The following ZMPSTE24 variants were observed in gnomAD, a reference collection of about 807,000 sequenced individuals.
ZMPSTE24 encodes CAAX prenyl protease 1 homolog.
ZMPSTE24 carries 48 observed loss-of-function variants against 56.7 expected under a neutral mutation model. That is an observed-to-expected ratio of 0.85 (90% CI 0.67 to 1.08). The LOEUF is 1.08. Among genes scored for constraint, ZMPSTE24 ranks in the 50% least tolerant of loss-of-function variants. The pLI, the probability that ZMPSTE24 is intolerant of heterozygous loss-of-function variation, is 0.00. For synonymous variants in ZMPSTE24, 172 were observed against 195.2 expected, an observed-to-expected ratio of 0.88 and a Z score of 0.99; for missense variants, 503 against 548.7, an observed-to-expected ratio of 0.92 and a Z score of 0.83.
intron 6 of ZMPSTE24, among the ~76,000 whole-genome samples, chr1:40,274,268 TAAC>T (rs1217875030): frequency 2.0e-5 from 3 of 152,362 alleles, no homozygotes; most frequent in Non-Finnish European, 2.9e-5. Flanking sequence ...TAATTGTTGT[TAAC>T]AACAGTAACA....
At chr1:40,262,783 G>A in intron 2 of ZMPSTE24, 2 of 1,168,530 alleles carry the variant, frequency 1.7e-6, no homozygotes, top group Non-Finnish European at 2.1e-6. Flanking sequence ...GATGTCTGAC[G>A]GCTGAGTTTT....
intron 6 of ZMPSTE24, among the ~76,000 whole-genome samples, chr1:40,276,201 A>T (rs968966954): frequency 6.6e-6 from 1 of 152,260 alleles, no homozygotes; most frequent in Non-Finnish European, 1.5e-5. Context: ...AAATAAGTCT[A>T]TAGACATCCC....
intron 3 of ZMPSTE24, 61 bp downstream of exon 3, chr1:40,267,933 C>T (rs375292278): frequency 6.7e-7 from 1 of 1,490,364 alleles, no homozygotes; most frequent in South Asian, 1.1e-5. Flanking sequence ...AGGCTTTCCA[C>T]TAAAGTTAAT....
At chr1:40,292,310 A>T (rs1458071090) in intron 9 of ZMPSTE24, 135 bp from the exon 10 acceptor site, 4 of 813,838 alleles carry the variant, frequency 4.9e-6, no homozygotes, top group South Asian at 1.5e-5. Flanking sequence ...AGGTCCCCTA[A>T]ATATTAGTGA....
chr1:40,265,503 G>T (rs765955101), intron 2 of ZMPSTE24, among the ~76,000 whole-genome samples: 4 of 152,008 alleles, frequency 2.6e-5, no homozygotes, highest in Non-Finnish European at 5.9e-5. Flanking sequence ...ACTGCTTGAG[G>T]CCAGCCTGGG....
intron 2 of ZMPSTE24, among the ~76,000 whole-genome samples, chr1:40,266,612 A>G (rs1416963330): frequency 6.6e-6 from 1 of 152,082 alleles, no homozygotes; most frequent in Non-Finnish European, 1.5e-5. Flanking sequence ...TCTGTTCCCC[A>G]GTTTAGTAAG....
Position 40,290,687 on chromosome 1 carries a change from C to A in ZMPSTE24, c.1060-167C>A, listed in dbSNP as rs1643833337. The A allele has an allele frequency of 8.1e-6, 5 of 620,776 alleles. No individual in the cohort carries two copies. The Admixed American group carries it at 1.5e-4, about 18-fold the overall frequency. The allele number at this position is 620,776 out of a possible 1,614,324, so 38.5% of individuals were successfully genotyped here. On this transcript the variant is annotated intron_variant, in intron 8 of 9. Transcript: ENST00000372759. ...CCATGTTAGCCAGGATGGTCTCAATCTCCTGACCTCGTGATCCACCCGCCT... is the reference window on the plus strand; with the variant it reads ...CCATGTTAGCCAGGATGGTCTCAATATCCTGACCTCGTGATCCACCCGCCT...
At chr1:40,281,195 G>A in intron 6 of ZMPSTE24, 148 bp from the exon 7 acceptor site, 1 of 793,220 alleles carries the variant, frequency 1.3e-6, no homozygotes, top group East Asian at 2.6e-5. Context: ...CACTGCTGGT[G>A]GTGAATTATG....
In ZMPSTE24 at chr1:40,290,907, G is replaced by A; in HGVS notation, c.1113G>A (p.Glu371=). The change falls in exon 9 of 10, where the codon GAG becomes GAA. Residue 371 remains glutamate (E), a synonymous_variant. Transcript: ENST00000372759. The part of the protein sequence containing the change: ...FLFAVLIGRK[E]LFAAFGFYDS... ...TTGCTGTATTAATTGGTCGAAAGGA[G>A]CTTTTTGCTGCATTTGGTTTTTATG... The A allele has an allele frequency of 6.2e-7, 1 of 1,613,928 alleles. No homozygotes were observed. The highest frequency in any genetic ancestry group is 8.5e-7 in the Non-Finnish European group (1 of 1,179,948).
At position 40,281,414 on chromosome 1, in the gene ZMPSTE24, G is replaced by A; in HGVS notation, c.841G>A (p.Asp281Asn). 1.2e-6 allele frequency: 2 copies of A among 1,614,066 alleles called. No individual in the cohort carries two copies. The highest frequency in any genetic ancestry group is 1.7e-6 in the Non-Finnish European group (2 of 1,179,988). ...CAAGAACAAGCGAATAGTTTTGTTT[G>A]ACACTCTACTAGAAGAGTACTCTGT... ...FFKNKRIVLF[D>N]TLLEEYSVLN... Residue 281 changes from aspartate (D) to asparagine (N), a missense_variant, in exon 7 of 10, where the codon GAC becomes AAC. Coordinates refer to ENST00000372759, the MANE Select transcript of ZMPSTE24 (RefSeq NM_005857.5).
At chr1:40,274,915 A>G (rs908747169) in intron 6 of ZMPSTE24, among the ~76,000 whole-genome samples, 1 of 151,936 alleles carries the variant, frequency 6.6e-6, no homozygotes, top group Non-Finnish European at 1.5e-5. Flanking sequence ...AAAGAGTGAC[A>G]TCAAAGATAA....
chr1:40,288,638 T>C (rs1643809630), intron 8 of ZMPSTE24, among the ~76,000 whole-genome samples: 1 of 152,218 alleles, frequency 6.6e-6, no homozygotes, highest in South Asian at 2.1e-4. Flanking sequence ...CTAGCTGACC[T>C]TCACAGAGCA....
chr1:40,289,485 G>C (rs1236816093), intron 8 of ZMPSTE24, among the ~76,000 whole-genome samples: 1 of 152,210 alleles, frequency 6.6e-6, no homozygotes, highest in Non-Finnish European at 1.5e-5. Flanking sequence ...GTTGGAGCTT[G>C]TCATATTGGA....
At position 40,271,984 on chromosome 1, in the gene ZMPSTE24, G is replaced by A. The variant is rs779452594; in HGVS notation, c.718G>A (p.Val240Ile). The change falls in exon 6 of 10, where the codon GTA becomes ATA. Residue 240 changes from valine (V) to isoleucine (I), a missense_variant. Physicochemically the swap from Val to Ile is conservative, Grantham distance 29. Transcript: ENST00000372759. ...PEGKLKEEIE[V>I]MAKSIDFPLT... ...GGGAAAGCTTAAAGAAGAAATTGAA[G>A]TAATGGCAAAGAGTATTGACTTTCC... is the stretch of plus-strand genomic sequence containing the variant. The A allele has an allele frequency of 6.2e-6, 10 of 1,613,316 alleles. No homozygotes were observed. Among genetic ancestry groups the A allele is most frequent in the Non-Finnish European group, 8.5e-6 (10 of 1,179,526 alleles).
intron 6 of ZMPSTE24, among the ~76,000 whole-genome samples, chr1:40,272,254 C>T (rs189824188): frequency 2.0e-5 from 3 of 152,194 alleles, no homozygotes; most frequent in African/African-American, 7.2e-5. Context: ...CCAAATCCTG[C>T]TCTTGTCTGC....
At position 40,292,846 on chromosome 1, in the gene ZMPSTE24, C is replaced by T; in HGVS notation, c.*177C>T. On this transcript the variant is annotated 3_prime_UTR_variant, in exon 10 of 10. Coordinates refer to ENST00000372759, the MANE Select transcript of ZMPSTE24 (RefSeq NM_005857.5). Reference sequence around the variant, plus strand: ...GATTTTAATAATTCATTTCTTAAAACACTGAATGAATTTTGAAGCTTAATG... The same window carrying T: ...GATTTTAATAATTCATTTCTTAAAATACTGAATGAATTTTGAAGCTTAATG... 1.8e-6 allele frequency: 1 copy of T among 552,856 alleles called. No individual in the cohort carries two copies. Among genetic ancestry groups the T allele is most frequent in the Non-Finnish European group, 3.1e-6 (1 of 318,758 alleles). The allele number at this position is 552,856 out of a possible 1,614,324, so 34.2% of individuals were successfully genotyped here.
chr1:40,260,794 A>G (rs372359908), intron 1 of ZMPSTE24, 45 bp from the exon 2 acceptor site: 1 of 1,587,258 alleles, frequency 6.3e-7, no homozygotes, highest in African/African-American at 1.3e-5. Context: ...TGACTATTGT[A>G]ATAAACAACT....
intron 7 of ZMPSTE24, 151 bp from the exon 8 acceptor site, chr1:40,285,774 G>A (rs1643781047): frequency 1.6e-6 from 1 of 617,220 alleles, no homozygotes; most frequent in South Asian, 2.0e-5. Context: ...GTGGAGCAGT[G>A]GTTCAGGGAA....
rs1643852835 is a variant in ZMPSTE24 at position 40,292,450 on chromosome 1, T to G, written c.1209T>G (p.Leu403=). ...QFIFSPYNEV[L]SFCLTVLSRR... ...CCTTTCATTTTCTTTTTCAGGTTCT[T>G]TCTTTTTGCCTAACAGTCCTAAGCC... Residue 403 remains leucine (L), a synonymous_variant, in exon 10 of 10, where the codon CTT becomes CTG. Coordinates refer to ENST00000372759, the MANE Select transcript of ZMPSTE24 (RefSeq NM_005857.5). 3 of 1,613,842 alleles carry G rather than the reference T, an allele frequency of 1.9e-6. No individual in the cohort carries two copies. Among genetic ancestry groups the G allele is most frequent in the Middle Eastern group, 1.7e-4 (1 of 5,800 alleles).
Sources: allele counts gnomAD v4.1 joint callset (sites outside exome capture counted in the v4.1 genomes callset), GRCh38; gene constraint gnomAD v4.1.1; transcripts MANE v1.5; gene names NCBI Gene and HGNC (gene_info 2026-07-23, HGNC 2026-07-21).